PPP1R7: variants seen among roughly 807,000 people sequenced by gnomAD.
PPP1R7 encodes protein phosphatase 1 regulatory subunit 22.
Under a neutral mutation model 45.2 loss-of-function variants are expected in PPP1R7, and 18 were observed. The observed-to-expected ratio is 0.40, with a 90% CI of 0.28 to 0.59. PPP1R7 has a LOEUF of 0.59. PPP1R7 is among the 20% of genes least tolerant of loss of function. PPP1R7 has a pLI of 0.46. For missense variants in PPP1R7, 314 were observed against 455.8 expected (o/e 0.69, Z 2.83); for synonymous variants, 181 against 183.4 (o/e 0.99, Z 0.11).
intron 9 of PPP1R7, among the ~76,000 whole-genome samples, chr2:241,178,344 G>T (rs1358629232): frequency 6.6e-6 from 1 of 152,038 alleles, no homozygotes; most frequent in Non-Finnish European, 1.5e-5. Context: ...GCTAGCTTTA[G>T]TCCAGTGCAT....
rs1429852221 is a variant in PPP1R7, at chr2:241,183,066, A to G, written c.*243A>G. 1.8e-6 allele frequency: 1 copy of G among 557,076 alleles called. No individual in the cohort carries two copies. Among genetic ancestry groups the G allele is most frequent in the Non-Finnish European group, 3.2e-6 (1 of 311,042 alleles). 34.5% of individuals were successfully genotyped at this position (557,076 alleles called of 1,614,324 possible). Reference sequence around the variant, plus strand: ...GACAGTTATTGTAGCCACAGAGAGAACATAAGACACGTTGCGTTCATTCGC... The same window carrying G: ...GACAGTTATTGTAGCCACAGAGAGAGCATAAGACACGTTGCGTTCATTCGC... On this transcript the variant is annotated 3_prime_UTR_variant, in exon 10 of 10. Coordinates refer to ENST00000234038, the MANE Select transcript of PPP1R7 (RefSeq NM_002712.3).
chr2:241,178,458 CTT>C (rs71049557), intron 9 of PPP1R7, among the ~76,000 whole-genome samples: 11 of 124,572 alleles, frequency 8.8e-5, no homozygotes, highest in Non-Finnish European at 1.0e-4. Context: ...TGGTCTTCAG[CTT>C]TTTTTTTTTT....
At chr2:241,150,451 AG>A, upstream of PPP1R7, 1 of 1,384,276 alleles carries the variant, frequency 7.2e-7, no homozygotes, top group Non-Finnish European at 9.6e-7. Context: ...TGATTGGCTG[AG>A]GGGTCTGAGG....
intron 8 of PPP1R7, 76 bp from the exon 9 acceptor site, chr2:241,169,705 T>G: frequency 1.4e-5 from 18 of 1,263,518 alleles, no homozygotes; most frequent in Non-Finnish European, 1.7e-5. Context: ...GGTCAGCACT[T>G]GACACTGCCT....
At chr2:241,174,398 G>T (rs898178176) in intron 9 of PPP1R7, among the ~76,000 whole-genome samples, 5 of 152,024 alleles carry the variant, frequency 3.3e-5, no homozygotes, top group African/African-American at 9.7e-5. Flanking sequence ...GATTCCACAG[G>T]ATACCATGTG....
intron 6 of PPP1R7, among the ~76,000 whole-genome samples, chr2:241,161,556 C>G (rs2067591553): frequency 6.6e-6 from 1 of 152,252 alleles, no homozygotes; most frequent in South Asian, 2.1e-4. Flanking sequence ...CTTTATACTC[C>G]TGGACACCGT....
At chr2:241,149,627 T>G, upstream of PPP1R7, 1 of 1,537,778 alleles carries the variant, frequency 6.5e-7, no homozygotes, top group Non-Finnish European at 8.7e-7. Flanking sequence ...CTACGGCGCT[T>G]CGGAGGAGCC....
chr2:241,153,715 G>T, intron 2 of PPP1R7, 111 bp downstream of exon 2: 2 of 1,409,362 alleles, frequency 1.4e-6, no homozygotes, highest in Admixed American at 4.4e-5. Context: ...AAGGACTGCC[G>T]TGCTCCTTAG....
At chr2:241,158,657 C>A in intron 4 of PPP1R7, 108 bp downstream of exon 4, 1 of 1,129,570 alleles carries the variant, frequency 8.9e-7, no homozygotes, top group Non-Finnish European at 1.3e-6. Flanking sequence ...AGCCTGTGGG[C>A]GGCGTGGCTG....
At chr2:241,150,153 C>T (rs1177481162), upstream of PPP1R7, 4 of 1,270,882 alleles carry the variant, frequency 3.1e-6, no homozygotes, top group African/African-American at 6.2e-5. Flanking sequence ...CATAAGTCAA[C>T]TCTCAAGCCC....
chr2:241,183,153 C>A lies in PPP1R7; in HGVS notation c.*330C>A. The A allele has an allele frequency of 5.0e-6, 2 of 400,604 alleles. No homozygotes were observed. Among genetic ancestry groups the A allele is most frequent in the Middle Eastern group, 8.2e-4 (1 of 1,224 alleles). The allele number at this position is 400,604 out of a possible 1,614,324, so 24.8% of individuals were successfully genotyped here. The stretch of plus-strand genomic sequence containing the variant: ...CAGTCCCTACCTGAGTCGTGTGAAA[C>A]ACAGGGCCTGAGAGTGCTTTACAGG... On this transcript the variant is annotated 3_prime_UTR_variant, in exon 10 of 10. Transcript: ENST00000234038.
chr2:241,150,615 T>G (rs1294237768), intron 1 of PPP1R7, 68 bp downstream of exon 1: 1 of 1,481,034 alleles, frequency 6.8e-7, no homozygotes, highest in East Asian at 2.9e-5. Flanking sequence ...CTGGAACTGC[T>G]CCGTGCCTGA....
chr2:241,158,112 A>G (rs1430109513), intron 3 of PPP1R7, among the ~76,000 whole-genome samples: 1 of 152,190 alleles, frequency 6.6e-6, no homozygotes, highest in Non-Finnish European at 1.5e-5. Flanking sequence ...TACATTATAC[A>G]TGAGGGTCCC....
At position 241,182,653 on chromosome 2, in the gene PPP1R7, G is replaced by A. The variant is rs1423969541; in HGVS notation, c.913G>A (p.Asp305Asn). ...CTGCTGTGTGTGTCCCCAGATGAAC[G>A]ACAATCTCCTTGAGAGCTGGAGCGA... is the stretch of plus-strand genomic sequence containing the variant. ...LTELQEFWMN[D>N]NLLESWSDLD... The change falls in exon 10 of 10, where the codon GAC becomes AAC. Residue 305 changes from aspartate (D) to asparagine (N), a missense_variant. Around this residue, in one of 3 missense-constraint regions of PPP1R7, gnomAD observed 168 missense variants for 285.3 expected, o/e 0.59. Transcript: ENST00000234038. 2.5e-6 allele frequency: 4 copies of A among 1,614,082 alleles called. No homozygotes were observed. Among genetic ancestry groups the A allele is most frequent in the Admixed American group, 1.7e-5 (1 of 60,016 alleles).
rs780981028 is a variant in PPP1R7, at chr2:241,160,323, T to G, written c.435-9T>G. On this transcript the variant is annotated splice_polypyrimidine_tract_variant and intron_variant, in intron 5 of 9. Transcript: ENST00000234038. ...AATTTTTTTAAAAAACTGTTTTGGT[T>G]GTTCTCAGGATTCTAGATATTTCTT... 1.9e-6 allele frequency: 3 copies of G among 1,582,408 alleles called. No homozygotes were observed. Among genetic ancestry groups the G allele is most frequent in the East Asian group, 2.3e-5 (1 of 43,988 alleles).
chr2:241,151,579 T>G (rs1326787285), intron 1 of PPP1R7: 1 of 471,166 alleles, frequency 2.1e-6, no homozygotes, highest in South Asian at 1.5e-5. Flanking sequence ...GACCAAATCG[T>G]ATGTGGTGGG....
At chr2:241,156,252 A>G (rs970737676) in intron 2 of PPP1R7, among the ~76,000 whole-genome samples, 1 of 152,260 alleles carries the variant, frequency 6.6e-6, no homozygotes, top group South Asian at 2.1e-4. Context: ...GACAATGACA[A>G]TCTGTTTACA....
At chr2:241,162,483 C>G (rs1291842035) in intron 6 of PPP1R7, among the ~76,000 whole-genome samples, 1 of 152,120 alleles carries the variant, frequency 6.6e-6, no homozygotes, top group African/African-American at 2.4e-5. Flanking sequence ...GTCACTGCCT[C>G]TGGAGGTTTA....
At chr2:241,152,532 G>A (rs2067347927) in intron 1 of PPP1R7, among the ~76,000 whole-genome samples, 1 of 152,178 alleles carries the variant, frequency 6.6e-6, no homozygotes, top group Non-Finnish European at 1.5e-5. Context: ...TTGGAGGTGG[G>A]TTTTATAAGG....
Sources: allele counts gnomAD v4.1 joint callset (sites outside exome capture counted in the v4.1 genomes callset), GRCh38; gene constraint gnomAD v4.1.1; regional missense constraint gnomAD v4.1.1; transcripts MANE v1.5; gene names NCBI Gene and HGNC (gene_info 2026-07-23, HGNC 2026-07-21).